KCNMA1: variants seen among roughly 807,000 people sequenced by gnomAD.
KCNMA1 encodes potassium calcium-activated channel subfamily M alpha 1.
KCNMA1 carries 29 observed loss-of-function variants against 140.0 expected under a neutral mutation model. The ratio of observed to expected loss-of-function variants is 0.21; its 90% CI spans 0.15 to 0.28. The LOEUF is 0.28. Ranked by LOEUF, KCNMA1 falls within the 10% of genes least tolerant of loss-of-function variation. The pLI is 1.00. For missense variants in KCNMA1, 880 were observed against 1,602.2 expected (o/e 0.55, Z 7.70); for synonymous variants, 612 against 611.9 (o/e 1.00, Z 0.00).
intron 2 of KCNMA1, among the ~76,000 whole-genome samples, chr10:77,254,598 T>C (rs947664567): frequency 1.3e-5 from 2 of 152,188 alleles, no homozygotes; most frequent in South Asian, 2.1e-4. Flanking sequence ...ATAAATCATA[T>C]AGTACAGGTT....
chr10:77,057,802 AAAAGAAG>A (rs1295076029), intron 14 of KCNMA1, among the ~76,000 whole-genome samples: 1 of 151,898 alleles, frequency 6.6e-6, no homozygotes, highest in Non-Finnish European at 1.5e-5. Flanking sequence ...AAAATGATTC[AAAAGAAG>A]AAAGAAGAGA....
chr10:77,394,457 C>T (rs2095963006), intron 2 of KCNMA1, among the ~76,000 whole-genome samples: 1 of 152,190 alleles, frequency 6.6e-6, no homozygotes, highest in Admixed American at 6.5e-5. Flanking sequence ...GGGGGTAAGG[C>T]TTAGACTCTG....
intron 1 of KCNMA1, among the ~76,000 whole-genome samples, chr10:77,540,704 T>TA (rs1024689543): frequency 1.3e-5 from 2 of 152,040 alleles, no homozygotes; most frequent in African/African-American, 4.8e-5. Context: ...AATTTAAGAG[T>TA]AATCACTAGG....
At chr10:77,010,988 C>A (rs2090582683) in intron 18 of KCNMA1, among the ~76,000 whole-genome samples, 1 of 152,020 alleles carries the variant, frequency 6.6e-6, no homozygotes, top group South Asian at 2.1e-4. Context: ...TGTCAGCAAT[C>A]TCATCCTCTC....
chr10:77,357,662 A>G (rs3758461), intron 2 of KCNMA1, among the ~76,000 whole-genome samples: 2 of 152,332 alleles, frequency 1.3e-5, no homozygotes, highest in East Asian at 3.9e-4. Context: ...AGACGCAATA[A>G]TTTAAATTAA....
chr10:77,374,012 G>A (rs1566369351), intron 2 of KCNMA1, among the ~76,000 whole-genome samples: 1 of 152,180 alleles, frequency 6.6e-6, no homozygotes, highest in Non-Finnish European at 1.5e-5. Flanking sequence ...GAGATGAGAT[G>A]AAAAAGATTG....
At chr10:77,477,507 C>T (rs186908032) in intron 1 of KCNMA1, among the ~76,000 whole-genome samples, 17 of 152,272 alleles carry the variant, frequency 1.1e-4, no homozygotes, top group South Asian at 4.1e-4. Context: ...AAATGAACCC[C>T]ATCTGTGTGG....
At chr10:77,289,847 G>A (rs1373029728) in intron 2 of KCNMA1, among the ~76,000 whole-genome samples, 2 of 152,014 alleles carry the variant, frequency 1.3e-5, no homozygotes, top group Admixed American at 6.6e-5. Context: ...GATATTGTTC[G>A]GCAAATAGGC....
rs2096645622 is a variant in KCNMA1, at chr10:77,412,662, G to A, written c.379-8639C>T. Among the ~76,000 whole-genome samples the A allele has an allele frequency of 2.0e-5, 3 of 152,206 alleles. No homozygotes were observed. The South Asian group carries it at 6.2e-4, about 31-fold the overall frequency. On this transcript the variant is annotated intron_variant, in intron 1 of 27. Coordinates refer to ENST00000286628, the MANE Select transcript of KCNMA1 (RefSeq NM_001161352.2). Reference sequence around the variant, plus strand: ...CAGCATTGTGAGGTGCCCCAGGGGGGCTGGTTACCAAGGGAGGGCAGAGGA... The same window carrying A: ...CAGCATTGTGAGGTGCCCCAGGGGGACTGGTTACCAAGGGAGGGCAGAGGA...
At chr10:77,253,567 A>C (rs2060104596) in intron 2 of KCNMA1, among the ~76,000 whole-genome samples, 1 of 152,218 alleles carries the variant, frequency 6.6e-6, no homozygotes, top group African/African-American at 2.4e-5. Context: ...TGACAGGAGG[A>C]GGCCAGGAAT....
chr10:77,141,581 C>G (rs576355465), intron 5 of KCNMA1, among the ~76,000 whole-genome samples: 2 of 152,188 alleles, frequency 1.3e-5, no homozygotes, highest in Non-Finnish European at 2.9e-5. Flanking sequence ...CTCAGATGTC[C>G]AGCTTTCAGA....
intron 1 of KCNMA1, among the ~76,000 whole-genome samples, chr10:77,621,737 G>T (rs2091456878): frequency 6.6e-6 from 1 of 152,084 alleles, no homozygotes; most frequent in Non-Finnish European, 1.5e-5. Context: ...AGACCAGCCT[G>T]GGCAACATGG....
intron 1 of KCNMA1, among the ~76,000 whole-genome samples, chr10:77,608,365 A>G (rs2085334590): frequency 6.6e-6 from 1 of 151,780 alleles, no homozygotes; most frequent in African/African-American, 2.4e-5. Flanking sequence ...GTAGAGATGG[A>G]GTTTTGCCAT....
intron 3 of KCNMA1, among the ~76,000 whole-genome samples, chr10:77,201,649 T>A (rs1199988405): frequency 6.6e-6 from 1 of 152,238 alleles, no homozygotes; most frequent in Non-Finnish European, 1.5e-5. Flanking sequence ...ATTTTAAAGT[T>A]CACGCATGTG....
intron 1 of KCNMA1, among the ~76,000 whole-genome samples, chr10:77,582,699 G>A (rs901847386): frequency 6.6e-6 from 1 of 152,232 alleles, no homozygotes; most frequent in African/African-American, 2.4e-5. Context: ...CTGCAAGGAA[G>A]TGCCTGCTTC....
chr10:77,521,039 C>T (rs1371323308), intron 1 of KCNMA1, among the ~76,000 whole-genome samples: 1 of 152,230 alleles, frequency 6.6e-6, no homozygotes, highest in Non-Finnish European at 1.5e-5. Flanking sequence ...TCAACACTTT[C>T]ATGGAGCAAC....
At position 77,637,508 on chromosome 10, in the gene KCNMA1, G is replaced by A; in HGVS notation, c.135C>T (p.Ser45=). ...AGGAGGAAGAAGAAGAAGAGGAAGA[G>A]GAGGAGGAGGAGGAGGAGGACGCGT... The part of the protein sequence containing the change: ...SLDASSSSSS[S]SSSSSSSSSS... Residue 45 remains serine, a synonymous_variant, in exon 1 of 28, where the codon TCC becomes TCT. Coordinates refer to ENST00000286628, the MANE Select transcript of KCNMA1 (RefSeq NM_001161352.2). The A allele has an allele frequency of 7.2e-7, 1 of 1,386,010 alleles. No individual in the cohort carries two copies. The highest frequency in any genetic ancestry group is 1.0e-6 in the Non-Finnish European group (1 of 1,001,296). 85.9% of individuals were successfully genotyped at this position (1,386,010 alleles called of 1,614,324 possible). A position where few individuals can be genotyped will look rare whatever the true frequency, so the allele number is the denominator to read the frequency against.
At chr10:77,123,508 G>T (rs1021091905) in intron 5 of KCNMA1, among the ~76,000 whole-genome samples, 1 of 152,126 alleles carries the variant, frequency 6.6e-6, no homozygotes, top group African/African-American at 2.4e-5. Context: ...TCTCATACCA[G>T]TATCACTGTC....
chr10:77,329,419 AG>A (rs1040930088), intron 2 of KCNMA1, among the ~76,000 whole-genome samples: 25 of 152,192 alleles, frequency 1.6e-4, no homozygotes, highest in Non-Finnish European at 1.0e-4. Flanking sequence ...GAGATTCCAG[AG>A]GGCCCTCTTG....
Sources: allele counts gnomAD v4.1 joint callset (sites outside exome capture counted in the v4.1 genomes callset), GRCh38; gene constraint gnomAD v4.1.1; transcripts MANE v1.5; gene names NCBI Gene and HGNC (gene_info 2026-07-23, HGNC 2026-07-21).